CENPH: variants seen among roughly 807,000 people sequenced by gnomAD.
CENPH encodes CENP-H.
In CENPH, 40 loss-of-function variants were observed where a neutral mutation model predicts 42.9. The ratio of observed to expected loss-of-function variants is 0.93; its 90% CI spans 0.72 to 1.21. The LOEUF is 1.21. Among genes scored for constraint, CENPH ranks in the 50% most tolerant of loss-of-function variants. CENPH has a pLI of 0.00. For synonymous variants in CENPH, 88 were observed against 96.5 expected, an observed-to-expected ratio of 0.91 and a Z score of 0.52; for missense variants, 302 against 292.9, an observed-to-expected ratio of 1.03 and a Z score of -0.23.
chr5:69,189,914 C>CAACAG, intron 1 of CENPH, 146 bp downstream of exon 1: 1 of 939,672 alleles, frequency 1.1e-6, no homozygotes, highest in Non-Finnish European at 1.5e-6. Context: ...TGTTGAAGCT[C>CAACAG]TTTCTTCATC....
chr5:69,191,862 C>T lies in CENPH; in HGVS notation c.190+12C>T, dbSNP rs371762238. On this transcript the variant is annotated intron_variant, in intron 2 of 8. Coordinates refer to ENST00000283006, the MANE Select transcript of CENPH (RefSeq NM_022909.4). ...AATGGTTGATGCAAGTAAGTATTTT[C>T]ATTTTCAAATTAGGGTTTTGTTGTT... 2.8e-6 allele frequency: 4 copies of T among 1,443,132 alleles called. No individual in the cohort carries two copies. The African/African-American group carries it at 4.2e-5, about 15-fold the overall frequency. The allele number at this position is 1,443,132 out of a possible 1,614,324, so 89.4% of individuals were successfully genotyped here. A position where few individuals can be genotyped will look rare whatever the true frequency, so the allele number is the denominator to read the frequency against.
chr5:69,200,340 AC>A (rs1159955940), intron 5 of CENPH, among the ~76,000 whole-genome samples: 2 of 152,174 alleles, frequency 1.3e-5, no homozygotes, highest in African/African-American at 4.8e-5. Context: ...CTGCCAACTA[AC>A]TTCTAACTAG....
rs763784286 is a variant in CENPH, at chr5:69,209,690, A to G, written c.652-17A>G. On this transcript the variant is annotated splice_polypyrimidine_tract_variant and intron_variant, in intron 8 of 8. Transcript: ENST00000283006. ...TTAAAGTACTTGTAACTTTAAAACAATTTTTTTTCTTTACAGAACCTTATT... is the reference window on the plus strand; with the variant it reads ...TTAAAGTACTTGTAACTTTAAAACAGTTTTTTTTCTTTACAGAACCTTATT... The G allele has an allele frequency of 4.3e-6, 6 of 1,391,174 alleles. No homozygotes were observed. The highest frequency in any genetic ancestry group is 2.9e-5 in the African/African-American group (2 of 69,308). 86.2% of individuals were successfully genotyped at this position (1,391,174 alleles called of 1,614,324 possible). A position where few individuals can be genotyped will look rare whatever the true frequency, so the allele number is the denominator to read the frequency against.
intron 1 of CENPH, among the ~76,000 whole-genome samples, chr5:69,190,354 G>T (rs114304552): frequency 0.01 from 1,525 of 152,222 alleles, 32 homozygotes; most frequent in African/African-American, 0.036. Flanking sequence ...TTTAAGTGTT[G>T]CAGGGAAAAG....
chr5:69,209,701 T>C lies in CENPH; in HGVS notation c.652-6T>C. On this transcript the variant is annotated splice_polypyrimidine_tract_variant and splice_region_variant and intron_variant, in intron 8 of 8. Coordinates refer to ENST00000283006, the MANE Select transcript of CENPH (RefSeq NM_022909.4). ...GTAACTTTAAAACAATTTTTTTTCT[T>C]TACAGAACCTTATTTTGGGGAGTAA... 6.6e-7 allele frequency: 1 copy of C among 1,525,938 alleles called. No homozygotes were observed. Among genetic ancestry groups the C allele is most frequent in the South Asian group, 1.2e-5 (1 of 84,096 alleles). 94.5% of individuals were successfully genotyped at this position (1,525,938 alleles called of 1,614,324 possible).
chr5:69,205,377 C>T (rs1486443258), intron 7 of CENPH, among the ~76,000 whole-genome samples: 2 of 152,052 alleles, frequency 1.3e-5, no homozygotes, highest in Admixed American at 6.6e-5. Context: ...ACAGGCGTGC[C>T]ACCACGCCTG....
At chr5:69,193,065 C>A (rs1431354348) in intron 2 of CENPH, among the ~76,000 whole-genome samples, 1 of 151,868 alleles carries the variant, frequency 6.6e-6, no homozygotes, top group East Asian at 1.9e-4. Context: ...CCATTGCACT[C>A]TGGCCTGGGC....
chr5:69,193,686 G>A (rs1214779008), intron 2 of CENPH, among the ~76,000 whole-genome samples: 2 of 149,800 alleles, frequency 1.3e-5, no homozygotes, highest in African/African-American at 2.5e-5. Flanking sequence ...TTTTGAGACG[G>A]GGTCTTGTTC....
intron 7 of CENPH, among the ~76,000 whole-genome samples, chr5:69,207,431 C>T (rs1038525729): frequency 2.6e-5 from 4 of 151,716 alleles, no homozygotes; most frequent in African/African-American, 4.8e-5. Flanking sequence ...TCAGGTGATC[C>T]GCCCACCTCG....
intron 5 of CENPH, among the ~76,000 whole-genome samples, chr5:69,200,805 C>T (rs1748047370): frequency 1.3e-5 from 1 of 75,278 alleles, no homozygotes; most frequent in South Asian, 5.0e-4. Flanking sequence ...GCACGATCTG[C>T]TTGGCTCACT....
chr5:69,201,388 G>C (rs1325887563), intron 5 of CENPH, among the ~76,000 whole-genome samples: 1 of 152,084 alleles, frequency 6.6e-6, no homozygotes, highest in Admixed American at 6.6e-5. Context: ...TTTCCTCTTT[G>C]AAAACAGATA....
intron 8 of CENPH, among the ~76,000 whole-genome samples, chr5:69,209,487 G>A (rs1458472885): frequency 2.5e-4 from 38 of 151,498 alleles, no homozygotes; most frequent in Non-Finnish European, 7.4e-5. Flanking sequence ...GCAGTGAGCT[G>A]AAGACCGCAC....
intron 7 of CENPH, among the ~76,000 whole-genome samples, chr5:69,205,945 G>A (rs1056764227): frequency 2.0e-5 from 3 of 151,338 alleles, no homozygotes; most frequent in South Asian, 2.1e-4. Context: ...TCCTGACCTC[G>A]TGATCCGCCC....
At chr5:69,207,162 G>A (rs1748173386) in intron 7 of CENPH, among the ~76,000 whole-genome samples, 1 of 151,676 alleles carries the variant, frequency 6.6e-6, no homozygotes, top group Non-Finnish European at 1.5e-5. Flanking sequence ...AATGATTGAT[G>A]ATGTTTATCC....
At chr5:69,195,587 A>G (rs1161999016) in intron 3 of CENPH, 130 bp from the exon 4 acceptor site, 1 of 610,192 alleles carries the variant, frequency 1.6e-6, no homozygotes, top group Non-Finnish European at 2.9e-6. Flanking sequence ...ACATTGGTAT[A>G]TTGAGCCTGT....
Position 69,195,723 on chromosome 5 carries a change from T to C in CENPH, c.246T>C (p.Ile82=), listed in dbSNP as rs373494215. 6.5e-6 allele frequency: 10 copies of C among 1,549,692 alleles called. No individual in the cohort carries two copies. The African/African-American group carries it at 1.4e-4, about 21-fold the overall frequency. The stretch of plus-strand genomic sequence containing the variant: ...GCTCATGTTTCTTTGATAGTAAAAT[T>C]GAAGACCTGGAAAATGAAATTGAAG... The part of the protein sequence containing the change: ...IMQEKQIEAK[I]EDLENEIEEV... The change falls in exon 4 of 9, where the codon ATT becomes ATC. Residue 82 remains isoleucine (I), a synonymous_variant. Transcript: ENST00000283006.
intron 7 of CENPH, chr5:69,207,944 C>G (rs1266070169): frequency 4.3e-6 from 1 of 234,066 alleles, no homozygotes; most frequent in African/African-American, 2.3e-5. Context: ...CATCTGTAGA[C>G]AGCTGTTATT....
chr5:69,208,651 G>T (rs894592280), intron 8 of CENPH, among the ~76,000 whole-genome samples: 1 of 150,548 alleles, frequency 6.6e-6, no homozygotes, highest in Non-Finnish European at 1.5e-5. Context: ...GAGCCACTGC[G>T]CCTGGCCAAC....
At chr5:69,204,009 A>G (rs1223370669) in intron 7 of CENPH, among the ~76,000 whole-genome samples, 1 of 88,182 alleles carries the variant, frequency 1.1e-5, no homozygotes, top group Non-Finnish European at 2.1e-5. Flanking sequence ...GAGAATTTCT[A>G]TATATATATA....
Sources: allele counts gnomAD v4.1 joint callset (sites outside exome capture counted in the v4.1 genomes callset), GRCh38; gene constraint gnomAD v4.1.1; transcripts MANE v1.5; gene names NCBI Gene and HGNC (gene_info 2026-07-23, HGNC 2026-07-21).